DCHS2: variants seen among roughly 807,000 people sequenced by gnomAD.
DCHS2 encodes dachsous cadherin-related 2.
A neutral mutation model predicts 182.4 loss-of-function variants in DCHS2; 142 were observed. The ratio of observed to expected loss-of-function variants is 0.78; its 90% confidence interval spans 0.68 to 0.89. DCHS2 has a LOEUF of 0.89. Among genes scored for constraint, DCHS2 ranks in the 40% least tolerant of loss-of-function variants. The probability of loss-of-function intolerance (pLI) is 0.00; values close to 1 mark genes in which losing one functional copy is unlikely to be tolerated. For synonymous variants in DCHS2, 1,740 were observed against 1,663.3 expected (o/e 1.05, Z -1.12); for missense variants, 4,319 against 4,198.6 (o/e 1.03, Z -0.79).
intron 1 of DCHS2, among the ~76,000 whole-genome samples, chr4:154,466,744 A>G (rs1304457845): frequency 1.3e-5 from 2 of 152,214 alleles, no homozygotes; most frequent in African/African-American, 4.8e-5. Context: ...TTATTAATCA[A>G]ATGAGACAAT....
At chr4:154,408,378 C>T (rs1356321600) in intron 1 of DCHS2, among the ~76,000 whole-genome samples, 1 of 152,084 alleles carries the variant, frequency 6.6e-6, no homozygotes, top group African/African-American at 2.4e-5. Flanking sequence ...CTTAATAGTC[C>T]TTGAGGAAAA....
Position 154,433,395 on chromosome 4 carries a change from C to CTTTT in DCHS2, c.2052+55905_2052+55908dup, listed in dbSNP as rs61553613. ...ACAAATAACTAGTTTTTTTTTTTTC[C>CTTTT]TTTTTTTTTTTTTTTTTTGAGACAG... On this transcript the variant is annotated intron_variant, in intron 1 of 19. Coordinates refer to ENST00000357232, the MANE Select transcript of DCHS2 (RefSeq NM_001358235.2). Among the ~76,000 whole-genome samples, 58 of 103,868 alleles carry CTTTT rather than the reference C, an allele frequency of 5.6e-4. 5 individuals carry two copies. Among genetic ancestry groups the CTTTT allele is most frequent in the South Asian group, 1.0e-3 (3 of 2,888 alleles). 68.1% of individuals were successfully genotyped at this position (103,868 alleles called of 152,430 possible). A position where few individuals can be genotyped will look rare whatever the true frequency, so the allele number is the denominator to read the frequency against.
chr4:154,485,852 G>A (rs1314793615), intron 1 of DCHS2, among the ~76,000 whole-genome samples: 1 of 152,212 alleles, frequency 6.6e-6, no homozygotes, highest in Non-Finnish European at 1.5e-5. Context: ...TGCAAATGCA[G>A]CTCACAACAT....
rs779331837 is a variant in DCHS2 at position 154,315,817 on chromosome 4, C to T, written c.5191G>A (p.Ala1731Thr). 1 of 1,614,036 alleles carries T rather than the reference C, an allele frequency of 6.2e-7. No individual in the cohort carries two copies. The highest frequency in any genetic ancestry group is 1.7e-5 in the Admixed American group (1 of 59,996). The change falls in exon 10 of 20, where the codon GCC (alanine) becomes ACC (threonine). Residue 1731 changes from alanine (A) to threonine (T), a missense_variant. By Grantham distance (58) the Ala-to-Thr change is moderately conservative. Transcript: ENST00000357232. ...APVFKQHLYE[A>T]SVKENQNPGE... ...GGATTTTGGTTTTCTTTCACTGAGG[C>T]TTCATACAGGTGCTGCTTAAATACT...
In DCHS2 at chr4:154,307,437, G is replaced by GCA. The variant is rs1561029458; in HGVS notation, c.5261-2207_5261-2206insTG. On this transcript the variant is annotated intron_variant, in intron 10 of 19. Transcript: ENST00000357232. The stretch of plus-strand genomic sequence containing the variant: ...TGAATACACACATACACAGATGTGC[G>GCA]CGCGCACACACACACACACACACAC... Among the ~76,000 whole-genome samples the GCA allele has an allele frequency of 1.5e-3, 47 of 32,388 alleles. No homozygotes were observed. The South Asian group carries it at 0.051, about 35-fold the overall frequency. 21.2% of individuals were successfully genotyped at this position (32,388 alleles called of 152,430 possible). A position where few individuals can be genotyped will look rare whatever the true frequency, so the allele number is the denominator to read the frequency against.
intron 3 of DCHS2, among the ~76,000 whole-genome samples, chr4:154,338,607 T>A (rs1238046075): frequency 1.3e-5 from 2 of 152,224 alleles, no homozygotes; most frequent in Non-Finnish European, 2.9e-5. Flanking sequence ...CTCAGAAATC[T>A]ACTCTATATT....
chr4:154,238,937 G>A (rs1731664586), intron 19 of DCHS2, among the ~76,000 whole-genome samples: 1 of 152,064 alleles, frequency 6.6e-6, no homozygotes, highest in Non-Finnish European at 1.5e-5. Flanking sequence ...GCATTTACCA[G>A]CATTTAAACA....
chr4:154,297,796 T>G lies in DCHS2; in HGVS notation c.6463+55A>C, dbSNP rs1030462591. 38 of 1,554,600 alleles carry G rather than the reference T, an allele frequency of 2.4e-5. No homozygotes were observed. In the Admixed American group the frequency reaches 5.5e-4, roughly 23 times the overall value. On this transcript the variant is annotated intron_variant, in intron 13 of 19. Transcript: ENST00000357232. ...CACTCTTGTAGTATAATCCGTACTC[T>G]TAAGCATTTTGTCAAAACAGGTACA...
At chr4:154,374,002 CAAAAA>C (rs35401379) in intron 2 of DCHS2, 22,015 of 586,220 alleles carry the variant, frequency 0.038, 8 homozygotes, top group Middle Eastern at 0.054. Context: ...ATTTTAATAG[CAAAAA>C]AAAAAAAAAA....
At chr4:154,254,795 C>T (rs1023763685) in intron 16 of DCHS2, among the ~76,000 whole-genome samples, 5 of 152,064 alleles carry the variant, frequency 3.3e-5, no homozygotes, top group African/African-American at 1.2e-4. Flanking sequence ...TGAGATTGTG[C>T]CACTACACTC....
intron 1 of DCHS2, among the ~76,000 whole-genome samples, chr4:154,409,297 C>T (rs1345497540): frequency 6.6e-6 from 1 of 152,154 alleles, no homozygotes; most frequent in African/African-American, 2.4e-5. Context: ...CTTGACCCCA[C>T]AGAATCTGAG....
chr4:154,297,072 T>C (rs1037226151), intron 13 of DCHS2, among the ~76,000 whole-genome samples: 2 of 152,158 alleles, frequency 1.3e-5, no homozygotes, highest in African/African-American at 4.8e-5. Flanking sequence ...TTGTAATGAG[T>C]TCATGTTCCA....
At chr4:154,244,769 C>T (rs1487645001) in intron 16 of DCHS2, among the ~76,000 whole-genome samples, 1 of 152,160 alleles carries the variant, frequency 6.6e-6, no homozygotes, top group Non-Finnish European at 1.5e-5. Context: ...GAACAACCAC[C>T]TGAATCTCAC....
At position 154,366,129 on chromosome 4, in the gene DCHS2, C is replaced by CT. The variant is rs1177986365; in HGVS notation, c.2476+80dup. 3.8e-5 allele frequency: 44 copies of CT among 1,161,012 alleles called. No individual in the cohort carries two copies. The African/African-American group carries it at 5.7e-4, about 15-fold the overall frequency. 71.9% of individuals were successfully genotyped at this position (1,161,012 alleles called of 1,614,324 possible). A position where few individuals can be genotyped will look rare whatever the true frequency, so the allele number is the denominator to read the frequency against. On this transcript the variant is annotated intron_variant, in intron 3 of 19. Coordinates refer to ENST00000357232, the MANE Select transcript of DCHS2 (RefSeq NM_001358235.2). Reference sequence around the variant, plus strand: ...CACCCCCATTATTGAAAAAAAGTCACTTTTTCTAATTTTCTGGCTGTTAAG... The same window carrying CT: ...CACCCCCATTATTGAAAAAAAGTCACTTTTTTCTAATTTTCTGGCTGTTAAG...
intron 12 of DCHS2, 102 bp downstream of exon 12, chr4:154,304,567 A>T: frequency 1.0e-6 from 1 of 984,132 alleles, no homozygotes; most frequent in Non-Finnish European, 1.5e-6. Flanking sequence ...TGGGAGGTGA[A>T]GTTGCAGTGA....
intron 1 of DCHS2, among the ~76,000 whole-genome samples, chr4:154,471,677 C>T (rs970177403): frequency 3.9e-5 from 6 of 152,032 alleles, no homozygotes; most frequent in African/African-American, 1.4e-4. Context: ...AAACTAAAGT[C>T]GCATTATGGT....
chr4:154,333,100 G>C lies in DCHS2; in HGVS notation c.3108C>G (p.Phe1036Leu). The change falls in exon 5 of 20, where the codon TTC becomes TTG. Residue 1036 changes from phenylalanine to leucine, a missense_variant. Physicochemically the swap from Phe to Leu is conservative, Grantham distance 22. Transcript: ENST00000357232. ...FAIDRALGVL[F>L]LNGSLGAGEQ... is the part of the protein sequence containing the mutation. ...CGCCCGCGCCCAGGCTGCCGTTGAG[G>C]AACAGCACCCCCAGGGCTCTGTCGA... 3 of 1,614,072 alleles carry C rather than the reference G, an allele frequency of 1.9e-6. No individual in the cohort carries two copies. The highest frequency in any genetic ancestry group is 4.5e-5 in the East Asian group (2 of 44,872).
intron 1 of DCHS2, among the ~76,000 whole-genome samples, chr4:154,407,789 A>T (rs572110627): frequency 6.6e-6 from 1 of 152,192 alleles, no homozygotes; most frequent in African/African-American, 2.4e-5. Flanking sequence ...TTAATGGCAA[A>T]CTCCACAGTG....
intron 1 of DCHS2, among the ~76,000 whole-genome samples, chr4:154,450,974 T>C (rs1734508534): frequency 6.6e-6 from 1 of 152,216 alleles, no homozygotes; most frequent in African/African-American, 2.4e-5. Context: ...GAAAGAGGTA[T>C]ATGCCTGGTG....
Sources: allele counts gnomAD v4.1 joint callset (sites outside exome capture counted in the v4.1 genomes callset), GRCh38; gene constraint gnomAD v4.1.1; transcripts MANE v1.5; gene names NCBI Gene and HGNC (gene_info 2026-07-23, HGNC 2026-07-21).